The following CSMD1 variants were observed in gnomAD, a reference collection of about 807,000 sequenced individuals.
CSMD1 encodes CUB and Sushi multiple domains 1, also known as CUB and sushi domain-containing protein 1.
In CSMD1, 213 loss-of-function variants were observed where a neutral mutation model predicts 417.5. The ratio of observed to expected loss-of-function variants is 0.51; its 90% CI spans 0.46 to 0.57. CSMD1 has a LOEUF of 0.57. CSMD1 is among the 20% of genes least tolerant of loss of function. CSMD1 has a pLI of 0.00. For missense variants in CSMD1, 6,923 were observed against 4,529.7 expected (o/e 1.53, Z -15.17); for synonymous variants, 2,862 against 1,736.8 (o/e 1.65, Z -16.11).
chr8:3,345,545 G>A (rs138989828), intron 22 of CSMD1, among the ~76,000 whole-genome samples: 1 of 152,120 alleles, frequency 6.6e-6, no homozygotes, highest in Non-Finnish European at 1.5e-5. Context: ...GATTCCAATT[G>A]GATGAGGAAC....
At chr8:4,373,853 T>C (rs1424353989) in intron 3 of CSMD1, among the ~76,000 whole-genome samples, 2 of 152,216 alleles carry the variant, frequency 1.3e-5, no homozygotes, top group African/African-American at 2.4e-5. Flanking sequence ...TCTATGTATA[T>C]GTATAATTCT....
chr8:4,214,537 G>C (rs1374661338), intron 3 of CSMD1, among the ~76,000 whole-genome samples: 4 of 152,140 alleles, frequency 2.6e-5, no homozygotes, highest in Non-Finnish European at 4.4e-5. Flanking sequence ...AGCTCATGCA[G>C]TCTGTCTGAC....
At chr8:4,877,973 G>A (rs1447777646) in intron 1 of CSMD1, among the ~76,000 whole-genome samples, 1 of 151,750 alleles carries the variant, frequency 6.6e-6, no homozygotes, top group African/African-American at 2.4e-5. Flanking sequence ...AAACACATAT[G>A]TATGTGCACA....
At chr8:4,510,388 C>A (rs112377664) in intron 2 of CSMD1, among the ~76,000 whole-genome samples, 450 of 27,288 alleles carry the variant, frequency 0.016, 7 homozygotes, top group African/African-American at 0.072. Flanking sequence ...AAGCATAATG[C>A]CTAAAAAAAA....
chr8:3,575,107 T>C (rs1428799576), intron 9 of CSMD1, 41 bp from the exon 10 acceptor site: 3 of 1,604,056 alleles, frequency 1.9e-6, no homozygotes, highest in Middle Eastern at 1.9e-4. Context: ...TACAACATTG[T>C]GTCAGTTTGG....
intron 4 of CSMD1, among the ~76,000 whole-genome samples, chr8:4,021,689 G>A (rs184356733): frequency 1.2e-4 from 19 of 152,172 alleles, no homozygotes; most frequent in Admixed American, 2.0e-4. Flanking sequence ...AAACTTGTTC[G>A]GAGTGACTAT....
chr8:4,114,300 G>C (rs765515693), intron 3 of CSMD1, among the ~76,000 whole-genome samples: 49 of 152,134 alleles, frequency 3.2e-4, no homozygotes, highest in Non-Finnish European at 5.3e-4. Flanking sequence ...TGTCTAAGTG[G>C]AAAAATAAAG....
At chr8:3,951,832 A>G (rs534147311) in intron 5 of CSMD1, among the ~76,000 whole-genome samples, 7 of 152,120 alleles carry the variant, frequency 4.6e-5, no homozygotes, top group Non-Finnish European at 8.8e-5. Context: ...ACTCAAAGTT[A>G]ACCCAAAAAG....
chr8:4,571,315 G>T (rs550354513), intron 2 of CSMD1, among the ~76,000 whole-genome samples: 1 of 152,172 alleles, frequency 6.6e-6, no homozygotes, highest in Non-Finnish European at 1.5e-5. Context: ...TGCTTTAGCC[G>T]TGTCCCAGAG....
chr8:4,123,145 T>A (rs1197172470), intron 3 of CSMD1, among the ~76,000 whole-genome samples: 1 of 152,226 alleles, frequency 6.6e-6, no homozygotes, highest in Non-Finnish European at 1.5e-5. Context: ...TGAAGAATAT[T>A]TAGGCAGTCC....
In CSMD1 at chr8:4,396,642, T is replaced by C. The variant is rs200322311; in HGVS notation, c.415+23311A>G. 6.3e-4 allele frequency among the ~76,000 whole-genome samples: 89 copies of C among 141,158 alleles called. 1 individual carries two copies. The highest frequency in any genetic ancestry group is 2.1e-3 in the Admixed American group (29 of 14,092). 92.6% of individuals were successfully genotyped at this position (141,158 alleles called of 152,430 possible). A position where few individuals can be genotyped will look rare whatever the true frequency, so the allele number is the denominator to read the frequency against. ...ACACACACACACACACACACACACA[T>C]AAATATCTATATATCTCCCCATACA... On this transcript the variant is annotated intron_variant, in intron 3 of 69. Transcript: ENST00000635120.
intron 26 of CSMD1, among the ~76,000 whole-genome samples, chr8:3,237,259 A>G (rs1201156375): frequency 7.5e-6 from 1 of 133,296 alleles, no homozygotes; most frequent in Non-Finnish European, 1.7e-5. Context: ...AAAGGTCAGC[A>G]GTTCGAGACC....
chr8:4,915,047 G>C (rs1455367204), intron 1 of CSMD1, among the ~76,000 whole-genome samples: 1 of 152,108 alleles, frequency 6.6e-6, no homozygotes, highest in Non-Finnish European at 1.5e-5. Context: ...CGTGTGGAGG[G>C]AATAGAAATT....
chr8:4,026,127 T>A (rs986540795), intron 4 of CSMD1, among the ~76,000 whole-genome samples: 3 of 152,194 alleles, frequency 2.0e-5, no homozygotes, highest in African/African-American at 7.2e-5. Flanking sequence ...TCCATATGGT[T>A]GAAATTTACA....
intron 51 of CSMD1, among the ~76,000 whole-genome samples, chr8:3,023,703 G>T (rs561926867): frequency 4.6e-5 from 7 of 152,066 alleles, no homozygotes; most frequent in Non-Finnish European, 1.0e-4. Context: ...GTGATTAATA[G>T]GTGATCAAGG....
At chr8:3,040,556 G>C (rs1175610572) in intron 50 of CSMD1, among the ~76,000 whole-genome samples, 1 of 151,788 alleles carries the variant, frequency 6.6e-6, no homozygotes, top group Non-Finnish European at 1.5e-5. Context: ...TGTAATCCCA[G>C]CACTTTGGGA....
intron 41 of CSMD1, among the ~76,000 whole-genome samples, chr8:3,140,726 A>T (rs181627017): frequency 0.02 from 1,519 of 75,806 alleles, 12 homozygotes; most frequent in Middle Eastern, 0.053. Context: ...TAACTATATT[A>T]AAAAAAAAAA....
chr8:4,846,109 C>T (rs1801127569), intron 1 of CSMD1, among the ~76,000 whole-genome samples: 1 of 152,160 alleles, frequency 6.6e-6, no homozygotes, highest in Admixed American at 6.5e-5. Context: ...AGAACTTCCA[C>T]GTGGCCATTG....
chr8:3,828,854 C>G (rs1436724922), intron 5 of CSMD1, among the ~76,000 whole-genome samples: 1 of 152,056 alleles, frequency 6.6e-6, no homozygotes, highest in African/African-American at 2.4e-5. Context: ...GAGATTTTGT[C>G]TTATCTCTAG....
Sources: gnomAD v4.1 joint callset for allele counts (sites outside exome capture counted in the v4.1 genomes callset) on GRCh38, gnomAD v4.1.1 for gene constraint, MANE v1.5 for transcripts, NCBI Gene and HGNC (gene_info 2026-07-23, HGNC 2026-07-21) for gene names.